Variants in DDX52 observed in about 807,000 individuals in gnomAD.
DDX52 encodes the protein probable ATP-dependent RNA helicase DDX52.
DDX52 carries 59 observed loss-of-function variants against 76.1 expected under a neutral mutation model. The observed-to-expected ratio is 0.78, with a 90% confidence interval of 0.63 to 0.96. The LOEUF (loss-of-function observed/expected upper bound fraction) is 0.96. DDX52 is among the 40% of genes least tolerant of loss of function. The pLI is 0.00. For missense variants in DDX52, 707 were observed against 703.9 expected (o/e 1.00, Z -0.05); for synonymous variants, 231 against 244.1 (o/e 0.95, Z 0.50).
Position 37,621,509 on chromosome 17 carries a change from T to G in DDX52, c.1239A>C (p.Pro413=). The G allele has an allele frequency of 6.2e-7, 1 of 1,611,534 alleles. No individual in the cohort carries two copies. The highest frequency in any genetic ancestry group is 8.5e-7 in the Non-Finnish European group (1 of 1,179,354). ...VRELVKKGFN[P]PVLVFVQSIE... ...TGGACTGAACAAAAACAAGAACAGG[T>G]GGATTGAAACCCTAAAAGAAGACAA... The change falls in exon 10 of 15, where the codon CCA becomes CCC. Residue 413 remains proline (P), a synonymous_variant. Transcript: ENST00000617633.
In DDX52 at chr17:37,613,987, G is replaced by A. The variant is rs2064396241; in HGVS notation, c.*309C>T. 1 of 286,408 alleles carries A rather than the reference G, an allele frequency of 3.5e-6. No homozygotes were observed. The highest frequency in any genetic ancestry group is 6.4e-6 in the Non-Finnish European group (1 of 155,730). The allele number at this position is 286,408 out of a possible 1,614,324, so 17.7% of individuals were successfully genotyped here. On this transcript the variant is annotated 3_prime_UTR_variant, in exon 15 of 15. Coordinates refer to ENST00000617633, the MANE Select transcript of DDX52 (RefSeq NM_007010.5). ...ATTTAAAAGTCACCTACAGAGCTGG[G>A]TGCAGCAGCTTGTGCCTGTAATCTC... is the stretch of plus-strand genomic sequence containing the variant.
chr17:37,618,408 G>T, intron 13 of DDX52, 24 bp from the exon 14 acceptor site: 1 of 1,552,622 alleles, frequency 6.4e-7, no homozygotes. Flanking sequence ...AGTAAAAAAG[G>T]AAAAGAATTA....
At position 37,610,263 on chromosome 17, in the gene DDX52, A is replaced by G. The variant is rs9908903; in HGVS notation, c.*4033T>C. The G allele has an allele frequency of 0.18, 26,286 of 147,102 alleles. 2,781 individuals are homozygous for G. Among genetic ancestry groups the G allele is most frequent in the East Asian group, 0.52 (2,597 of 4,972 alleles). The allele number at this position is 147,102 out of a possible 1,614,324, so 9.1% of individuals were successfully genotyped here. A position where few individuals can be genotyped will look rare whatever the true frequency, so the allele number is the denominator to read the frequency against. ...CTCAGCCTCCTGAGTAGCTGGGACC[A>G]CAGGCATGCACCACCACACCGGGCC... On this transcript the variant is annotated 3_prime_UTR_variant, in exon 15 of 15. Transcript: ENST00000617633.
chr17:37,639,049 G>C (rs1008975283), intron 2 of DDX52, among the ~76,000 whole-genome samples: 1 of 152,022 alleles, frequency 6.6e-6, no homozygotes, highest in East Asian at 1.9e-4. Context: ...TGGGATTACA[G>C]AAGTGAGCCA....
In DDX52 at chr17:37,610,658, G is replaced by A. The variant is rs1431308817; in HGVS notation, c.*3638C>T. On this transcript the variant is annotated 3_prime_UTR_variant, in exon 15 of 15. Transcript: ENST00000617633. The stretch of plus-strand genomic sequence containing the variant: ...TAAAAAATCCTCAGTATCCTTAGGA[G>A]TTACAATTGGCATCTTACAGATGAG... The A allele has an allele frequency of 6.6e-6, 1 of 152,112 alleles. No individual in the cohort carries two copies. Among genetic ancestry groups the A allele is most frequent in the African/African-American group, 2.4e-5 (1 of 41,396 alleles). The allele number at this position is 152,112 out of a possible 1,614,324, so 9.4% of individuals were successfully genotyped here.
At position 37,621,262 on chromosome 17, in the gene DDX52, G is replaced by A. The variant is rs2030072628; in HGVS notation, c.1366C>T (p.His456Tyr). ...RTQQQRDNTV[H>Y]SFRAGKIWVL... ...CAGATTTTTCCTGCTCTGAAACTGT[G>A]GACTGTGTTATCTCTCTGGTTAACA... Residue 456 changes from histidine to tyrosine, a missense_variant, in exon 11 of 15, where the codon CAC becomes TAC. By Grantham distance (83) the His-to-Tyr change is moderately conservative. Transcript: ENST00000617633. The A allele has an allele frequency of 6.2e-7, 1 of 1,612,388 alleles. No homozygotes were observed. Among genetic ancestry groups the A allele is most frequent in the African/African-American group, 1.3e-5 (1 of 74,890 alleles).
Position 37,643,380 on chromosome 17 carries a change from G to C in DDX52, c.41C>G (p.Ala14Gly). ...HDLFRRLGAGAKFDTRRFSAD... is the reference protein window; with the variant it reads ...HDLFRRLGAGGKFDTRRFSAD... ...CGAGAAGCGTCTCGTGTCGAATTTG[G>C]CCCCCGCGCCGAGCCGGCGAAAGAG... Residue 14 changes from alanine to glycine, a missense_variant, in exon 1 of 15, where the codon GCC becomes GGC. Ala to Gly is a moderately conservative substitution (Grantham distance 60). Transcript: ENST00000617633. 1 of 1,613,908 alleles carries C rather than the reference G, an allele frequency of 6.2e-7. No individual in the cohort carries two copies. Among genetic ancestry groups the C allele is most frequent in the Non-Finnish European group, 8.5e-7 (1 of 1,179,904 alleles).
intron 2 of DDX52, among the ~76,000 whole-genome samples, chr17:37,639,248 G>A (rs1180323034): frequency 6.6e-6 from 1 of 152,022 alleles, no homozygotes; most frequent in Non-Finnish European, 1.5e-5. Flanking sequence ...TATGATAAGG[G>A]AACAATGTAA....
At position 37,630,038 on chromosome 17, in the gene DDX52, C is replaced by T. The variant is rs753593318; in HGVS notation, c.739G>A (p.Ala247Thr). The T allele has an allele frequency of 2.7e-5, 43 of 1,609,312 alleles. No individual in the cohort carries two copies. The highest frequency in any genetic ancestry group is 6.8e-5 in the Admixed American group (4 of 58,522). The part of the protein sequence containing the change: ...ALIISPTREL[A>T]SQIHRELIKI... ...AAAGCTACAAGTCATACCTGGCTGG[C>T]AAGTTCTCGTGTTGGTGATATAATC... Residue 247 changes from alanine to threonine, a missense_variant, in exon 5 of 15, where the codon GCC becomes ACC. Ala to Thr is a moderately conservative substitution (Grantham distance 58, BLOSUM62 0). Transcript: ENST00000617633.
chr17:37,618,072 G>C (rs888230678), intron 14 of DDX52, among the ~76,000 whole-genome samples: 5 of 152,114 alleles, frequency 3.3e-5, no homozygotes, highest in Admixed American at 1.3e-4. Context: ...CTGAGATCAC[G>C]CCACTGCACT....
At chr17:37,629,580 G>A (rs567974813) in intron 5 of DDX52, among the ~76,000 whole-genome samples, 57 of 151,910 alleles carry the variant, frequency 3.8e-4, no homozygotes, top group African/African-American at 1.3e-3. Context: ...GCTGAAGAGG[G>A]AGATCTCTTG....
rs577352828 is a variant in DDX52, at chr17:37,626,651, C to A, written c.932+137G>T. On this transcript the variant is annotated intron_variant, in intron 7 of 14. Transcript: ENST00000617633. ...CTTTTCTATGAATTTTTTTAAAAAA[C>A]CATTATTCTCAGTGCCAACACTGAC... 2.3e-5 allele frequency: 18 copies of A among 787,310 alleles called. No individual in the cohort carries two copies. The South Asian group carries it at 2.5e-4, about 11-fold the overall frequency. 48.8% of individuals were successfully genotyped at this position (787,310 alleles called of 1,614,324 possible).
chr17:37,615,737 T>C (rs575223135), intron 14 of DDX52, among the ~76,000 whole-genome samples: 2 of 152,074 alleles, frequency 1.3e-5, no homozygotes, highest in African/African-American at 2.4e-5. Flanking sequence ...AAAATCAGCA[T>C]TTAGACTGGG....
intron 6 of DDX52, 43 bp downstream of exon 6, chr17:37,628,517 AT>A (rs1477209466): frequency 7.0e-7 from 1 of 1,435,350 alleles, no homozygotes. Context: ...TAATTTCCAG[AT>A]TCCTTACATG....
rs147207556 is a variant in DDX52, at chr17:37,631,925, A to T, written c.603+188T>A. The T allele has an allele frequency of 3.6e-5, 24 of 659,492 alleles. No individual in the cohort carries two copies. The African/African-American group carries it at 3.8e-4, about 10-fold the overall frequency. 40.9% of individuals were successfully genotyped at this position (659,492 alleles called of 1,614,324 possible). ...GAAAGGGTACTAGAAAAGGAAGAAG[A>T]TCACATCTAGATGGAGTGATCAAGA... On this transcript the variant is annotated intron_variant, in intron 4 of 14. Coordinates refer to ENST00000617633, the MANE Select transcript of DDX52 (RefSeq NM_007010.5).
chr17:37,618,251 A>T (rs1275105168), intron 14 of DDX52, 41 bp downstream of exon 14: 1 of 1,496,246 alleles, frequency 6.7e-7, no homozygotes, highest in East Asian at 2.4e-5. Context: ...CTATAACTTT[A>T]TGATGGTGTC....
At chr17:37,637,509 C>T (rs948878110) in intron 2 of DDX52, among the ~76,000 whole-genome samples, 13 of 152,120 alleles carry the variant, frequency 8.5e-5, no homozygotes, top group African/African-American at 3.1e-4. Context: ...ATCCTCCTAC[C>T]TCAGCTTCCC....
rs776396011 is a variant in DDX52 at position 37,621,499 on chromosome 17, C to T, written c.1249G>A (p.Val417Ile). 27 of 1,612,110 alleles carry T rather than the reference C, an allele frequency of 1.7e-5. No homozygotes were observed. Among genetic ancestry groups the T allele is most frequent in the Non-Finnish European group, 2.3e-5 (27 of 1,179,462 alleles). Residue 417 changes from valine (V) to isoleucine (I), a missense_variant, in exon 10 of 15, where the codon GTT (valine) becomes ATT (isoleucine). Transcript: ENST00000617633. ...GCCCTTTCAATGGACTGAACAAAAA[C>T]AAGAACAGGTGGATTGAAACCCTAA... Reference protein sequence around the residue: ...VKKGFNPPVLVFVQSIERAKE... With the variant: ...VKKGFNPPVLIFVQSIERAKE...
At position 37,642,305 on chromosome 17, in the gene DDX52, C is replaced by T. The variant is rs764700270; in HGVS notation, c.91G>A (p.Gly31Arg). 6.2e-7 allele frequency: 1 copy of T among 1,612,014 alleles called. No homozygotes were observed. Among genetic ancestry groups the T allele is most frequent in the South Asian group, 1.1e-5 (1 of 90,852 alleles). Residue 31 changes from glycine (G) to arginine (R), a missense_variant, in exon 2 of 15, where the codon GGA becomes AGA. Gly to Arg is a moderately radical substitution (Grantham distance 125). Transcript: ENST00000617633. ...GAATCAAAGTCATATTTCCTTTTTC[C>T]TATCTAAAACCCAAAAAATGTAAAA... is the stretch of plus-strand genomic sequence containing the variant. ...FSADAARFQIGKRKYDFDSSE... is the reference protein window; with the variant it reads ...FSADAARFQIRKRKYDFDSSE...
Sources: gnomAD v4.1 joint callset for allele counts (sites outside exome capture counted in the v4.1 genomes callset) on GRCh38, gnomAD v4.1.1 for gene constraint, MANE v1.5 for transcripts, NCBI Gene and HGNC (gene_info 2026-07-23, HGNC 2026-07-21) for gene names.